Variants in UVSSA observed in about 807,000 individuals in gnomAD.
UVSSA encodes the protein UV-stimulated scaffold protein A.
A neutral mutation model predicts 73.9 loss-of-function variants in UVSSA; 72 were observed. The ratio of observed to expected loss-of-function variants is 0.97; its 90% confidence interval spans 0.81 to 1.19. The LOEUF is 1.19. Ranked by LOEUF, UVSSA falls within the 50% of genes most tolerant of loss-of-function variation. The probability of loss-of-function intolerance (pLI) is 0.00; values close to 1 mark genes in which losing one functional copy is unlikely to be tolerated. For synonymous variants in UVSSA, 454 were observed against 391.3 expected (o/e 1.16, Z -1.89); for missense variants, 1,150 against 965.0 (o/e 1.19, Z -2.54).
chr4:1,391,540 CTTCT>C (rs1242398784), downstream of UVSSA: 1 of 151,804 alleles, frequency 6.6e-6, no homozygotes, highest in African/African-American at 2.4e-5. Context: ...ATGACATGTC[CTTCT>C]TTGTCTTTAG....
At chr4:1,342,119 C>A (rs999618540), upstream of UVSSA, among the ~76,000 whole-genome samples, 5 of 152,224 alleles carry the variant, frequency 3.3e-5, no homozygotes, top group Admixed American at 1.3e-4. Context: ...GGAAGTAATT[C>A]TCTGGAAGTA....
chr4:1,383,795 G>C lies in UVSSA; in HGVS notation c.1891G>C (p.Val631Leu), dbSNP rs140839981. 64 of 1,613,428 alleles carry C rather than the reference G, an allele frequency of 4.0e-5. No individual in the cohort carries two copies. The African/African-American group carries it at 7.5e-4, about 19-fold the overall frequency. The change falls in exon 13 of 14, where the codon GTG (valine) becomes CTG (leucine). Residue 631 changes from valine to leucine, a missense_variant. Coordinates refer to ENST00000389851, the MANE Select transcript of UVSSA (RefSeq NM_020894.4). ...EWQDPELMRDVEAATGQDLGS... is the reference protein window; with the variant it reads ...EWQDPELMRDLEAATGQDLGS... Reference sequence around the variant, plus strand: ...GCAGGACCCTGAGTTGATGAGAGACGTGGAAGCAGCCACAGGGCAGGATCT... The same window carrying C: ...GCAGGACCCTGAGTTGATGAGAGACCTGGAAGCAGCCACAGGGCAGGATCT...
At chr4:1,349,888 G>A (rs1393709441) in intron 3 of UVSSA, 34 bp downstream of exon 3, 1 of 1,484,756 alleles carries the variant, frequency 6.7e-7, no homozygotes, top group Admixed American at 2.4e-5. Context: ...TCAGAGACTG[G>A]TTACCTGACG....
downstream of UVSSA, chr4:1,392,335 TG>T (rs1483774805): frequency 6.6e-6 from 1 of 152,252 alleles, no homozygotes; most frequent in Admixed American, 6.5e-5. Flanking sequence ...GAAGAAAAGA[TG>T]TACAAACAGA....
intron 5 of UVSSA, 185 bp from the exon 6 acceptor site, chr4:1,354,550 T>C (rs906770388): frequency 8.3e-6 from 5 of 602,014 alleles, no homozygotes; most frequent in African/African-American, 7.4e-5. Flanking sequence ...GCCACAGTGT[T>C]CTTTTCTAAG....
At chr4:1,379,796 G>GTCCTTTTGCCTGGGTGCTGTCCACAGT (rs1560481626) in intron 10 of UVSSA, among the ~76,000 whole-genome samples, 2 of 40,128 alleles carry the variant, frequency 5.0e-5, no homozygotes, top group African/African-American at 1.5e-4. Flanking sequence ...TCGTGCCCGT[G>GTCCTTTTGCCTGGGTGCTGTCCACAGT]GTCGCGCGGC....
In UVSSA at chr4:1,383,839, C is replaced by T. The variant is rs138454833; in HGVS notation, c.1935C>T (p.Ser645=). The change falls in exon 13 of 14, where the codon AGC becomes AGT. Residue 645 remains serine, a synonymous_variant. Transcript: ENST00000389851. ...AGGATCTCGGCTCATCCAGGTACAGCGGGAAAGGCAGGGGGAAGAAGAGGA... is the reference window on the plus strand; with the variant it reads ...AGGATCTCGGCTCATCCAGGTACAGTGGGAAAGGCAGGGGGAAGAAGAGGA... ...TGQDLGSSRY[S]GKGRGKKRRY... is the part of the protein sequence containing the mutation. 4.5e-5 allele frequency: 72 copies of T among 1,613,334 alleles called. No individual in the cohort carries two copies. In the African/African-American group the frequency reaches 6.9e-4, roughly 16 times the overall value.
chr4:1,349,632 C>T lies in UVSSA; in HGVS notation c.207C>T (p.Phe69=), dbSNP rs552547198. The T allele has an allele frequency of 8.1e-6, 13 of 1,614,090 alleles. No homozygotes were observed. Among genetic ancestry groups the T allele is most frequent in the East Asian group, 4.5e-5 (2 of 44,876 alleles). The part of the protein sequence containing the change: ...LSAFQIVEEL[F]VRSHQFRMLV... ...CCTTCCAGATTGTGGAGGAACTCTT[C>T]GTCAGGTCTCACCAGTTCCGGATGC... is the stretch of plus-strand genomic sequence containing the variant. Residue 69 remains phenylalanine (F), a synonymous_variant, in exon 3 of 14, where the codon TTC becomes TTT. Transcript: ENST00000389851.
At chr4:1,344,552 A>G (rs1413413521), upstream of UVSSA, among the ~76,000 whole-genome samples, 1 of 152,220 alleles carries the variant, frequency 6.6e-6, no homozygotes, top group Non-Finnish European at 1.5e-5. Flanking sequence ...CTCTGTCTCA[A>G]ACAAAAACAA....
At chr4:1,360,561 G>T (rs973377043) in intron 7 of UVSSA, among the ~76,000 whole-genome samples, 1 of 152,180 alleles carries the variant, frequency 6.6e-6, no homozygotes, top group Non-Finnish European at 1.5e-5. Flanking sequence ...TGCTATGGCC[G>T]CGCCCAGAGG....
intron 7 of UVSSA, among the ~76,000 whole-genome samples, chr4:1,360,163 C>T (rs1384248476): frequency 1.3e-5 from 2 of 152,252 alleles, no homozygotes; most frequent in African/African-American, 2.4e-5. Context: ...GCCACCGCAT[C>T]CCAAGGGCTG....
chr4:1,371,851 C>T (rs1438987528), intron 8 of UVSSA, among the ~76,000 whole-genome samples: 2 of 152,168 alleles, frequency 1.3e-5, no homozygotes, highest in African/African-American at 4.8e-5. Flanking sequence ...AATCTCACGG[C>T]ATCTCTTAGT....
chr4:1,395,198 G>C, exon 14 of UVSSA: 1 of 1,440,684 alleles, frequency 6.9e-7, no homozygotes, highest in Non-Finnish European at 9.3e-7. Flanking sequence ...CGGAGTGCCC[G>C]CCTGCTCACA....
chr4:1,372,321 C>T (rs552080146), intron 8 of UVSSA, among the ~76,000 whole-genome samples: 38 of 152,222 alleles, frequency 2.5e-4, no homozygotes, highest in East Asian at 5.8e-4. Context: ...ACACATCTGG[C>T]GGCCTGTCAC....
intron 13 of UVSSA, chr4:1,385,059 G>T (rs1048668701): frequency 6.6e-6 from 1 of 152,362 alleles, no homozygotes; most frequent in Non-Finnish European, 1.5e-5. Context: ...GCAGAGGCCA[G>T]CCTTGGTGCT....
At chr4:1,381,106 G>C in intron 12 of UVSSA, 118 bp downstream of exon 12, 1 of 947,864 alleles carries the variant, frequency 1.1e-6, no homozygotes. Flanking sequence ...CGTCCATGGA[G>C]CTACAAGCCT....
downstream of UVSSA, chr4:1,388,478 C>T (rs1466220523): frequency 6.6e-6 from 1 of 152,216 alleles, no homozygotes; most frequent in Non-Finnish European, 1.5e-5. Context: ...ATTGCTCTGG[C>T]TAGTACCTCC....
rs771812101 is a variant in UVSSA at position 1,353,390 on chromosome 4, C to T, written c.911C>T (p.Thr304Met). The T allele has an allele frequency of 1.2e-5, 19 of 1,583,652 alleles. No individual in the cohort carries two copies. Among genetic ancestry groups the T allele is most frequent in the Admixed American group, 7.1e-5 (4 of 56,316 alleles). The change falls in exon 5 of 14, where the codon ACG (threonine) becomes ATG (methionine). Residue 304 changes from threonine to methionine, a missense_variant. Coordinates refer to ENST00000389851, the MANE Select transcript of UVSSA (RefSeq NM_020894.4). ...RSHGLGSHKY[T>M]LDVELCSEGL... ...CACGGGCTGGGCTCGCACAAGTACACGCTGGATGTGGAGCTCTGCTCAGGT... is the reference window on the plus strand; with the variant it reads ...CACGGGCTGGGCTCGCACAAGTACATGCTGGATGTGGAGCTCTGCTCAGGT...
At chr4:1,389,498 A>C (rs542698601), downstream of UVSSA, 5 of 152,394 alleles carry the variant, frequency 3.3e-5, no homozygotes, top group African/African-American at 1.2e-4. Context: ...CAGCTTCCTG[A>C]GTAGCTAAGA....
Sources: gnomAD v4.1 joint callset for allele counts (sites outside exome capture counted in the v4.1 genomes callset) on GRCh38, gnomAD v4.1.1 for gene constraint, MANE v1.5 for transcripts, NCBI Gene and HGNC (gene_info 2026-07-23, HGNC 2026-07-21) for gene names.